Variants in COA1 observed in about 807,000 individuals in gnomAD.
COA1 encodes the protein cytochrome c oxidase assembly factor 1.
In COA1, 13 loss-of-function variants were observed where a neutral mutation model predicts 16.0. The ratio of observed to expected loss-of-function variants is 0.81; its 90% CI spans 0.53 to 1.29. COA1 has a LOEUF of 1.29. Ranked by LOEUF, COA1 falls within the 50% of genes most tolerant of loss-of-function variation. The pLI, the probability that COA1 is intolerant of heterozygous loss-of-function variation, is 0.00. For missense variants in COA1, 179 were observed against 177.0 expected (o/e 1.01, Z -0.06); for synonymous variants, 65 against 65.7 (o/e 0.99, Z 0.05).
At chr7:43,619,866 A>G in intron 6 of COA1, 3 of 1,159,842 alleles carry the variant, frequency 2.6e-6, no homozygotes, top group South Asian at 3.2e-5. Context: ...TTTGGATTAC[A>G]TTTTACAATG....
At chr7:43,620,642 C>G (rs1392426430) in intron 6 of COA1, among the ~76,000 whole-genome samples, 2 of 151,132 alleles carry the variant, frequency 1.3e-5, no homozygotes, top group East Asian at 3.9e-4. Context: ...CCACTGCACT[C>G]CAGCCTGGGC....
intron 1 of COA1, among the ~76,000 whole-genome samples, chr7:43,656,601 G>A (rs2091743961): frequency 6.6e-6 from 1 of 152,204 alleles, no homozygotes; most frequent in Non-Finnish European, 1.5e-5. Context: ...GGCTGAGGCA[G>A]GAGAAATCAC....
At chr7:43,697,740 T>G (rs1266663763) in intron 1 of COA1, among the ~76,000 whole-genome samples, 1 of 152,226 alleles carries the variant, frequency 6.6e-6, no homozygotes, top group East Asian at 1.9e-4. Context: ...GTATTCCATC[T>G]CAGCTTCTTT....
intron 1 of COA1, among the ~76,000 whole-genome samples, chr7:43,651,707 A>C (rs1367163699): frequency 6.9e-6 from 1 of 145,142 alleles, no homozygotes; most frequent in Non-Finnish European, 1.5e-5. Context: ...AAAAAAAAAA[A>C]AAAAACAGGC....
chr7:43,682,361 G>A (rs1663254418), intron 1 of COA1, among the ~76,000 whole-genome samples: 2 of 152,090 alleles, frequency 1.3e-5, no homozygotes, highest in Admixed American at 1.3e-4. Flanking sequence ...ATGAGAAACT[G>A]GAAGAAAGCA....
At chr7:43,719,200 T>C (rs1269577967) in intron 1 of COA1, among the ~76,000 whole-genome samples, 1 of 152,146 alleles carries the variant, frequency 6.6e-6, no homozygotes, top group Non-Finnish European at 1.5e-5. Context: ...ACTCCTGACC[T>C]CAAGTGATCT....
intron 3 of COA1, chr7:43,646,441 A>C: frequency 4.9e-6 from 2 of 404,376 alleles, no homozygotes; most frequent in Non-Finnish European, 1.0e-5. Flanking sequence ...CACACATCAC[A>C]CCAATAAGGT....
intron 1 of COA1, among the ~76,000 whole-genome samples, chr7:43,716,457 C>T (rs958196839): frequency 6.6e-6 from 1 of 151,852 alleles, no homozygotes; most frequent in Non-Finnish European, 1.5e-5. Flanking sequence ...ATTTGTGGAA[C>T]TTAGAACTTG....
Position 43,639,497 on chromosome 7 carries a change from C to G in COA1, c.*85G>C. The G allele has an allele frequency of 9.2e-7, 1 of 1,092,418 alleles. No individual in the cohort carries two copies. Among genetic ancestry groups the G allele is most frequent in the East Asian group, 2.4e-5 (1 of 41,658 alleles). The allele number at this position is 1,092,418 out of a possible 1,614,324, so 67.7% of individuals were successfully genotyped here. On this transcript the variant is annotated 3_prime_UTR_variant, in exon 6 of 6. Coordinates refer to ENST00000223336, the MANE Select transcript of COA1 (RefSeq NM_018224.4). Reference sequence around the variant, plus strand: ...AACTGGGTTGCAGGAGTGTCTGTCACTGAGATGGGCCACCACCCCAGTGGC... The same window carrying G: ...AACTGGGTTGCAGGAGTGTCTGTCAGTGAGATGGGCCACCACCCCAGTGGC...
At chr7:43,719,878 C>CA (rs2095471767) in intron 1 of COA1, among the ~76,000 whole-genome samples, 1 of 152,120 alleles carries the variant, frequency 6.6e-6, no homozygotes, top group Non-Finnish European at 1.5e-5. Context: ...GGGAAACTGG[C>CA]ATGAGATGAG....
intron 1 of COA1, among the ~76,000 whole-genome samples, chr7:43,665,057 GA>G (rs1329523865): frequency 6.6e-6 from 1 of 151,872 alleles, no homozygotes; most frequent in Non-Finnish European, 1.5e-5. Context: ...AAATAAAAAA[GA>G]AATATATGAA....
At chr7:43,702,875 T>C (rs1255253118) in intron 1 of COA1, among the ~76,000 whole-genome samples, 1 of 152,204 alleles carries the variant, frequency 6.6e-6, no homozygotes, top group African/African-American at 2.4e-5. Flanking sequence ...TGGTTATCGC[T>C]TTTCTTCTGC....
chr7:43,668,808 A>G (rs529941902), intron 1 of COA1, among the ~76,000 whole-genome samples: 1 of 152,326 alleles, frequency 6.6e-6, no homozygotes, highest in Non-Finnish European at 1.5e-5. Context: ...ATAAATCCCC[A>G]AATATCTTGG....
At chr7:43,714,764 T>C (rs1235230297) in intron 1 of COA1, among the ~76,000 whole-genome samples, 1 of 151,924 alleles carries the variant, frequency 6.6e-6, no homozygotes, top group Non-Finnish European at 1.5e-5. Flanking sequence ...TCCCAGCACT[T>C]TGGGAAACCA....
chr7:43,647,513 A>C, intron 3 of COA1, 22 bp downstream of exon 3: 1 of 1,545,860 alleles, frequency 6.5e-7, no homozygotes, highest in Non-Finnish European at 8.9e-7. Context: ...GTCAGGCCGC[A>C]GGCGGCTAGC....
At chr7:43,708,193 C>A (rs993235498) in intron 1 of COA1, among the ~76,000 whole-genome samples, 1 of 152,086 alleles carries the variant, frequency 6.6e-6, no homozygotes, top group African/African-American at 2.4e-5. Flanking sequence ...AACAGAGCAA[C>A]ACTCCGTCTC....
At chr7:43,629,379 A>G (rs527618340) in intron 6 of COA1, among the ~76,000 whole-genome samples, 57 of 152,358 alleles carry the variant, frequency 3.7e-4, no homozygotes, top group Non-Finnish European at 4.9e-4. Flanking sequence ...CACTGAATCT[A>G]TAAGTCAAGT....
chr7:43,669,224 G>A (rs142128304), intron 1 of COA1, among the ~76,000 whole-genome samples: 1,800 of 152,250 alleles, frequency 0.012, 36 homozygotes, highest in Non-Finnish European at 0.016. Context: ...TGTTATAGGA[G>A]TTTATTAAGA....
chr7:43,661,866 T>G (rs1247647605), intron 1 of COA1, among the ~76,000 whole-genome samples: 1 of 152,238 alleles, frequency 6.6e-6, no homozygotes, highest in African/African-American at 2.4e-5. Context: ...AATAAGACTT[T>G]GGCTAATGAG....
Sources: allele counts gnomAD v4.1 joint callset (sites outside exome capture counted in the v4.1 genomes callset), GRCh38; gene constraint gnomAD v4.1.1; transcripts MANE v1.5; gene names NCBI Gene and HGNC (gene_info 2026-07-23, HGNC 2026-07-21).